SSBP2: variants seen among roughly 807,000 people sequenced by gnomAD.
SSBP2 encodes single stranded DNA binding protein 2.
SSBP2 carries 17 observed loss-of-function variants against 61.8 expected under a neutral mutation model. The ratio of observed to expected loss-of-function variants is 0.28; its 90% confidence interval spans 0.19 to 0.41. The LOEUF is 0.41. Ranked by LOEUF, SSBP2 falls within the 10% of genes least tolerant of loss-of-function variation. The pLI is 1.00. For synonymous variants in SSBP2, 139 were observed against 141.3 expected, an observed-to-expected ratio of 0.98 and a Z score of 0.12; for missense variants, 310 against 458.7, an observed-to-expected ratio of 0.68 and a Z score of 2.96.
intron 1 of SSBP2, among the ~76,000 whole-genome samples, chr5:81,719,183 T>C (rs1755379086): frequency 2.0e-5 from 3 of 152,162 alleles, no homozygotes; most frequent in Admixed American, 2.0e-4. Context: ...AATAAACTCC[T>C]GCTACAGAAA....
At chr5:81,542,473 C>CACT (rs1771348800) in intron 4 of SSBP2, among the ~76,000 whole-genome samples, 2 of 152,036 alleles carry the variant, frequency 1.3e-5, no homozygotes, top group South Asian at 4.2e-4. Flanking sequence ...TTCATAGCAC[C>CACT]ACTACTCACA....
rs966397337 is a variant in SSBP2, at chr5:81,415,532, TA to T, written c.*4971del. The T allele has an allele frequency of 2.6e-5, 4 of 152,108 alleles. No homozygotes were observed. The highest frequency in any genetic ancestry group is 6.5e-5 in the Admixed American group (1 of 15,274). 9.4% of individuals were successfully genotyped at this position (152,108 alleles called of 1,614,324 possible). ...TTATTGTTATAAAAATTTTTTCCAA[TA>T]TTTTTTATCAGGAGTTGATTGAATC... On this transcript the variant is annotated 3_prime_UTR_variant, in exon 17 of 17. Coordinates refer to ENST00000320672, the MANE Select transcript of SSBP2 (RefSeq NM_012446.5).
chr5:81,468,146 G>C (rs1211937242), intron 8 of SSBP2, among the ~76,000 whole-genome samples: 1 of 151,894 alleles, frequency 6.6e-6, no homozygotes, highest in African/African-American at 2.4e-5. Flanking sequence ...CGTCACTTCT[G>C]TGCTATCACT....
At chr5:81,655,762 C>G (rs1466646734) in intron 1 of SSBP2, among the ~76,000 whole-genome samples, 1 of 152,226 alleles carries the variant, frequency 6.6e-6, no homozygotes, top group Middle Eastern at 3.2e-3. Flanking sequence ...CTCAACTACA[C>G]ACACGTGTAC....
intron 4 of SSBP2, among the ~76,000 whole-genome samples, chr5:81,546,848 T>A (rs1771763529): frequency 1.3e-5 from 2 of 151,934 alleles, no homozygotes; most frequent in African/African-American, 4.8e-5. Context: ...GCCAATCTTA[T>A]GAACATTAAA....
At chr5:81,723,216 TA>T (rs2153974541) in intron 1 of SSBP2, among the ~76,000 whole-genome samples, 1 of 152,162 alleles carries the variant, frequency 6.6e-6, no homozygotes, top group South Asian at 2.1e-4. Flanking sequence ...TGAGATTACA[TA>T]ACTTCTTCCC....
chr5:81,676,356 T>G (rs193257831), intron 1 of SSBP2, among the ~76,000 whole-genome samples: 34 of 152,282 alleles, frequency 2.2e-4, no homozygotes, highest in Non-Finnish European at 1.5e-4. Context: ...GAAAGTGTTA[T>G]TCTCTTCAAG....
chr5:81,647,725 T>C (rs1749389297), intron 2 of SSBP2, among the ~76,000 whole-genome samples: 1 of 152,244 alleles, frequency 6.6e-6, no homozygotes, highest in South Asian at 2.1e-4. Context: ...GTATTCAAAA[T>C]GCAGCCAGAG....
intron 15 of SSBP2, among the ~76,000 whole-genome samples, chr5:81,429,697 G>C (rs1016751093): frequency 2.0e-5 from 3 of 150,128 alleles, no homozygotes; most frequent in South Asian, 2.1e-4. Context: ...TTAGTTTTTA[G>C]ATTTTTTTTT....
At position 81,418,197 on chromosome 5, in the gene SSBP2, C is replaced by T. The variant is rs1026991177; in HGVS notation, c.*2307G>A. On this transcript the variant is annotated 3_prime_UTR_variant, in exon 17 of 17. Transcript: ENST00000320672. ...AATTCTTCTTGGTAAAGTCAGGTGT[C>T]TGGACAAACTATCACCTTCATTCAG... is the stretch of plus-strand genomic sequence containing the variant. 2.0e-5 allele frequency: 3 copies of T among 152,188 alleles called. No individual in the cohort carries two copies. Among genetic ancestry groups the T allele is most frequent in the South Asian group, 2.1e-4 (1 of 4,830 alleles). 9.4% of individuals were successfully genotyped at this position (152,188 alleles called of 1,614,324 possible).
chr5:81,467,050 A>T lies in SSBP2; in HGVS notation c.571-9T>A. ...ATTGCACCTCCATAGTTCTGTAATG[A>T]TAACCAAGGGTCAGACTACCACAAA... On this transcript the variant is annotated splice_polypyrimidine_tract_variant and intron_variant, in intron 8 of 16. Coordinates refer to ENST00000320672, the MANE Select transcript of SSBP2 (RefSeq NM_012446.5). 1.2e-6 allele frequency: 2 copies of T among 1,607,988 alleles called. No homozygotes were observed. Among genetic ancestry groups the T allele is most frequent in the Non-Finnish European group, 1.7e-6 (2 of 1,176,104 alleles).
intron 1 of SSBP2, among the ~76,000 whole-genome samples, chr5:81,750,069 C>G (rs1757624637): frequency 6.6e-6 from 1 of 151,640 alleles, no homozygotes; most frequent in Non-Finnish European, 1.5e-5. Flanking sequence ...CGGGGGCTGC[C>G]AGCCTCACAA....
intron 1 of SSBP2, among the ~76,000 whole-genome samples, chr5:81,737,638 A>T (rs1393965344): frequency 4.3e-5 from 6 of 139,246 alleles, no homozygotes; most frequent in Non-Finnish European, 9.3e-5. Context: ...AAAAAAAAAA[A>T]TTAGCCGGGT....
intron 1 of SSBP2, among the ~76,000 whole-genome samples, chr5:81,733,529 A>G (rs1352242338): frequency 6.6e-6 from 1 of 152,216 alleles, no homozygotes; most frequent in Admixed American, 6.5e-5. Flanking sequence ...ATATATTTCA[A>G]AAAACGTGAA....
At position 81,584,907 on chromosome 5, in the gene SSBP2, T is replaced by C. The variant is rs182610613; in HGVS notation, c.282+30566A>G. On this transcript the variant is annotated intron_variant, in intron 4 of 16. Coordinates refer to ENST00000320672, the MANE Select transcript of SSBP2 (RefSeq NM_012446.5). Reference sequence around the variant, plus strand: ...CCATATAGCATATAATGCTGTCATATAAAAATTAACATATATTTTCTCACT... The same window carrying C: ...CCATATAGCATATAATGCTGTCATACAAAAATTAACATATATTTTCTCACT... Among the ~76,000 whole-genome samples the C allele has an allele frequency of 3.9e-3, 591 of 152,252 alleles. 3 individuals are homozygous for C. Among genetic ancestry groups the C allele is most frequent in the African/African-American group, 0.012 (482 of 41,556 alleles).
At chr5:81,600,641 T>A (rs993815432) in intron 4 of SSBP2, among the ~76,000 whole-genome samples, 4 of 149,238 alleles carry the variant, frequency 2.7e-5, no homozygotes, top group Non-Finnish European at 4.5e-5. Context: ...GGCGTTGTGA[T>A]AAATAATTCA....
At chr5:81,592,784 T>A (rs1561578354) in intron 4 of SSBP2, among the ~76,000 whole-genome samples, 1 of 152,178 alleles carries the variant, frequency 6.6e-6, no homozygotes, top group Non-Finnish European at 1.5e-5. Context: ...GATGGTCCTG[T>A]CTGTTAGAAG....
chr5:81,668,824 A>C (rs1039599799), intron 1 of SSBP2, among the ~76,000 whole-genome samples: 1 of 152,132 alleles, frequency 6.6e-6, no homozygotes, highest in Non-Finnish European at 1.5e-5. Context: ...TTGTACAGAA[A>C]ATTTAAAGAC....
At chr5:81,644,483 A>T (rs571028147) in intron 2 of SSBP2, among the ~76,000 whole-genome samples, 1 of 152,310 alleles carries the variant, frequency 6.6e-6, no homozygotes, top group East Asian at 1.9e-4. Context: ...TAGAAGGCAA[A>T]GGCATGCTGA....
Sources: allele counts gnomAD v4.1 joint callset (sites outside exome capture counted in the v4.1 genomes callset), GRCh38; gene constraint gnomAD v4.1.1; transcripts MANE v1.5; gene names NCBI Gene and HGNC (gene_info 2026-07-23, HGNC 2026-07-21).